ELOVL5: variants seen among roughly 807,000 people sequenced by gnomAD.
ELOVL5 encodes very long chain fatty acid elongase 5.
Under a neutral mutation model 38.6 loss-of-function variants are expected in ELOVL5, and 8 were observed. The ratio of observed to expected loss-of-function variants is 0.21; its 90% CI spans 0.12 to 0.37. The LOEUF is 0.37. Ranked by LOEUF, ELOVL5 falls within the 10% of genes least tolerant of loss-of-function variation. ELOVL5 has a pLI of 1.00. For synonymous variants in ELOVL5, 127 were observed against 133.7 expected, an observed-to-expected ratio of 0.95 and a Z score of 0.34; for missense variants, 280 against 367.8, an observed-to-expected ratio of 0.76 and a Z score of 1.95.
intron 2 of ELOVL5, among the ~76,000 whole-genome samples, chr6:53,295,313 A>T (rs996902055): frequency 6.6e-6 from 1 of 152,230 alleles, no homozygotes; most frequent in Non-Finnish European, 1.5e-5. Flanking sequence ...TTAAACTCCT[A>T]TTGCAACACT....
At chr6:53,324,270 AAAAAAG>A (rs1181826904) in intron 1 of ELOVL5, among the ~76,000 whole-genome samples, 9 of 139,126 alleles carry the variant, frequency 6.5e-5, no homozygotes, top group Non-Finnish European at 1.2e-4. Flanking sequence ...AAAAAAAAAA[AAAAAAG>A]AAAAAAAAGA....
At position 53,295,669 on chromosome 6, in the gene ELOVL5, A is replaced by G. The variant is rs771274339; in HGVS notation, c.31T>C (p.Tyr11His). 1 of 1,600,902 alleles carries G rather than the reference A, an allele frequency of 6.2e-7. No individual in the cohort carries two copies. Among genetic ancestry groups the G allele is most frequent in the South Asian group, 1.1e-5 (1 of 87,956 alleles). The change falls in exon 2 of 8, where the codon TAT (tyrosine) becomes CAT (histidine). Residue 11 changes from tyrosine to histidine, a missense_variant. Around this residue, in one of 3 missense-constraint regions of ELOVL5, gnomAD observed 150 missense variants for 178.0 expected, o/e 0.84. Coordinates refer to ENST00000304434, the MANE Select transcript of ELOVL5 (RefSeq NM_021814.5). ...CGAGGGCCTAGCAATGCCTTGAAAT[A>G]GGTACTAAGTGATGCATCAAAATGT... MEHFDASLST[Y>H]FKALLGPRDT...
chr6:53,340,427 C>G (rs1231183839), intron 1 of ELOVL5, among the ~76,000 whole-genome samples: 1 of 152,108 alleles, frequency 6.6e-6, no homozygotes, highest in Non-Finnish European at 1.5e-5. Flanking sequence ...CCTAAGTATA[C>G]AGTGTTTATA....
Position 53,269,060 on chromosome 6 carries a change from T to C in ELOVL5, c.*67A>G, listed in dbSNP as rs539815431. The C allele has an allele frequency of 5.2e-5, 81 of 1,561,010 alleles. No individual in the cohort carries two copies. The East Asian group carries it at 6.2e-4, about 12-fold the overall frequency. ...TAGTTACAGCAGCTGTTAACGAGCA[T>C]TGGGGCACAACTCATATTGTGCTTA... is the stretch of plus-strand genomic sequence containing the variant. On this transcript the variant is annotated 3_prime_UTR_variant, in exon 8 of 8. Coordinates refer to ENST00000304434, the MANE Select transcript of ELOVL5 (RefSeq NM_021814.5).
intron 1 of ELOVL5, among the ~76,000 whole-genome samples, chr6:53,304,105 C>T (rs759417950): frequency 2.0e-5 from 3 of 152,168 alleles, no homozygotes; most frequent in Admixed American, 6.5e-5. Flanking sequence ...AACTCTTTAA[C>T]GGCAAGTACT....
intron 3 of ELOVL5, among the ~76,000 whole-genome samples, chr6:53,284,954 T>C (rs890315230): frequency 6.6e-6 from 1 of 152,182 alleles, no homozygotes; most frequent in African/African-American, 2.4e-5. Context: ...AGACTTGCTG[T>C]TCCCCCTAAC....
chr6:53,343,010 G>A (rs1769392058), intron 1 of ELOVL5, among the ~76,000 whole-genome samples: 1 of 152,168 alleles, frequency 6.6e-6, no homozygotes. Context: ...AACCAAAAAG[G>A]CTGGTAATAA....
At chr6:53,315,506 A>G (rs1767992644) in intron 1 of ELOVL5, among the ~76,000 whole-genome samples, 1 of 152,188 alleles carries the variant, frequency 6.6e-6, no homozygotes, top group Admixed American at 6.5e-5. Context: ...AAGATGAATC[A>G]TTTTCATTCA....
chr6:53,270,858 G>A (rs746664795), intron 6 of ELOVL5, 131 bp from the exon 7 acceptor site: 2 of 957,756 alleles, frequency 2.1e-6, no homozygotes, highest in African/African-American at 3.3e-5. Context: ...AGGTACAGCA[G>A]TCACTTCATG....
At chr6:53,281,019 A>G (rs1454368092) in intron 3 of ELOVL5, among the ~76,000 whole-genome samples, 3 of 152,182 alleles carry the variant, frequency 2.0e-5, no homozygotes, top group African/African-American at 7.2e-5. Context: ...CTACTGAAAC[A>G]TCTCAGGAAA....
At chr6:53,310,809 T>C (rs565977021) in intron 1 of ELOVL5, among the ~76,000 whole-genome samples, 1 of 152,142 alleles carries the variant, frequency 6.6e-6, no homozygotes, top group African/African-American at 2.4e-5. Flanking sequence ...CTGCAACAAA[T>C]TTCGAACTGT....
chr6:53,275,647 G>C (rs766358003), intron 4 of ELOVL5, among the ~76,000 whole-genome samples: 3 of 152,144 alleles, frequency 2.0e-5, no homozygotes, highest in Non-Finnish European at 4.4e-5. Flanking sequence ...TGATTTCAGG[G>C]ACTAACATGG....
At chr6:53,286,820 T>TA (rs1581933688) in intron 3 of ELOVL5, among the ~76,000 whole-genome samples, 1 of 152,222 alleles carries the variant, frequency 6.6e-6, no homozygotes. Context: ...GTATGGTTTT[T>TA]AAAAACTATC....
At chr6:53,331,511 C>T (rs552059092) in intron 1 of ELOVL5, among the ~76,000 whole-genome samples, 2 of 152,286 alleles carry the variant, frequency 1.3e-5, no homozygotes, top group East Asian at 3.9e-4. Context: ...AAGTAATACA[C>T]TGCCCTAGGA....
chr6:53,295,508 T>C (rs1766956443), intron 2 of ELOVL5, 134 bp downstream of exon 2: 1 of 657,404 alleles, frequency 1.5e-6, no homozygotes, highest in East Asian at 3.3e-5. Context: ...AAATTCCTTG[T>C]TATCCAGGAT....
chr6:53,340,290 G>A (rs140398826), intron 1 of ELOVL5, among the ~76,000 whole-genome samples: 1 of 152,128 alleles, frequency 6.6e-6, no homozygotes. Context: ...AAGTAGAGAT[G>A]GAGTCTTGTG....
Position 53,291,790 on chromosome 6 carries a change from A to G in ELOVL5, c.232T>C (p.Tyr78His). 1 of 1,612,264 alleles carries G rather than the reference A, an allele frequency of 6.2e-7. No homozygotes were observed. Among genetic ancestry groups the G allele is most frequent in the Non-Finnish European group, 8.5e-7 (1 of 1,179,240 alleles). Residue 78 changes from tyrosine (Y) to histidine (H), a missense_variant, in exon 3 of 8, where the codon TAT becomes CAT. Physicochemically the swap from Tyr to His is moderately conservative, Grantham distance 83. This residue lies in a region of ELOVL5 where 150 missense variants were observed against 178.0 expected (regional missense o/e 0.84). Coordinates refer to ENST00000304434, the MANE Select transcript of ELOVL5 (RefSeq NM_021814.5). ...YNLGLTLLSL[Y>H]MFCELVTGVW... is the part of the protein sequence containing the mutation. Reference sequence around the variant, plus strand: ...CTTTGACTTACCTCACAGAACATATACAGAGACAGCAGTGTGAGTCCAAGG... The same window carrying G: ...CTTTGACTTACCTCACAGAACATATGCAGAGACAGCAGTGTGAGTCCAAGG...
intron 1 of ELOVL5, among the ~76,000 whole-genome samples, chr6:53,308,525 T>A (rs209483): frequency 0.53 from 81,097 of 152,032 alleles, 22,824 homozygotes; most frequent in Non-Finnish European, 0.62. Flanking sequence ...GGCTCTCAAA[T>A]CTGGTTGCAT....
chr6:53,344,231 C>G (rs989151121), intron 1 of ELOVL5, among the ~76,000 whole-genome samples: 1 of 152,188 alleles, frequency 6.6e-6, no homozygotes, highest in Admixed American at 6.5e-5. Context: ...TCCATCTGAT[C>G]ACAAAGCTCC....
Sources: allele counts gnomAD v4.1 joint callset (sites outside exome capture counted in the v4.1 genomes callset), GRCh38; gene constraint gnomAD v4.1.1; regional missense constraint gnomAD v4.1.1; transcripts MANE v1.5; gene names NCBI Gene and HGNC (gene_info 2026-07-23, HGNC 2026-07-21).